The following SLC39A9 variants were observed in gnomAD, a reference collection of about 807,000 sequenced individuals.
SLC39A9 encodes the protein solute carrier family 39 member 9, also known as zinc transporter ZIP9.
Under a neutral mutation model 28.4 loss-of-function variants are expected in SLC39A9, and 14 were observed. That is an observed-to-expected ratio of 0.49 (90% confidence interval 0.33 to 0.77). The LOEUF (loss-of-function observed/expected upper bound fraction) is 0.77. SLC39A9 is among the 30% of genes least tolerant of loss of function. SLC39A9 has a pLI of 0.02. For synonymous variants in SLC39A9, 119 were observed against 149.6 expected, an observed-to-expected ratio of 0.80 and a Z score of 1.49; for missense variants, 283 against 381.1, an observed-to-expected ratio of 0.74 and a Z score of 2.14.
At position 69,399,477 on chromosome 14, in the gene SLC39A9, T is replaced by C; in HGVS notation, c.96+12T>C. On this transcript the variant is annotated intron_variant, in intron 1 of 6. Transcript: ENST00000336643. ...TTAATTTCTCAGAGGTAAGAAATTC[T>C]CAATTTTCTGTCAGCTGTCAGGATG... is the stretch of plus-strand genomic sequence containing the variant. 1 of 1,609,100 alleles carries C rather than the reference T, an allele frequency of 6.2e-7. No individual in the cohort carries two copies. The highest frequency in any genetic ancestry group is 8.5e-7 in the Non-Finnish European group (1 of 1,175,714).
chr14:69,411,466 T>TA lies in SLC39A9; in HGVS notation c.96+12005dup, dbSNP rs1883261665. Among the ~76,000 whole-genome samples the TA allele has an allele frequency of 2.0e-5, 3 of 152,304 alleles. No individual in the cohort carries two copies. The South Asian group carries it at 6.2e-4, about 32-fold the overall frequency. On this transcript the variant is annotated intron_variant, in intron 1 of 6. Transcript: ENST00000336643. ...TGTGAACTTCTAAAATGAGATAACA[T>TA]AAAACCAATGGCATTGCACAGTTCA...
chr14:69,410,701 T>G (rs758735938), intron 1 of SLC39A9, among the ~76,000 whole-genome samples: 3 of 152,210 alleles, frequency 2.0e-5, no homozygotes, highest in Non-Finnish European at 2.9e-5. Context: ...CAGGTTTGTT[T>G]GTAAGAATAT....
intron 3 of SLC39A9, among the ~76,000 whole-genome samples, chr14:69,443,714 A>C (rs1416346654): frequency 2.0e-5 from 3 of 152,098 alleles, no homozygotes. Context: ...TACAAAAAAT[A>C]CAATAATTAG....
At chr14:69,447,698 G>T (rs12185028) in intron 3 of SLC39A9, among the ~76,000 whole-genome samples, 28,592 of 151,922 alleles carry the variant, frequency 0.19, 2,831 homozygotes, top group South Asian at 0.27. Flanking sequence ...GATGGCTTGA[G>T]CCCAGAAGTT....
rs552316481 is a variant in SLC39A9 at position 69,452,894 on chromosome 14, G to A, written c.404-347G>A. Among the ~76,000 whole-genome samples the A allele has an allele frequency of 3.3e-5, 5 of 152,322 alleles. No homozygotes were observed. In the South Asian group the frequency reaches 1.0e-3, roughly 32 times the overall value. On this transcript the variant is annotated intron_variant, in intron 3 of 6. Transcript: ENST00000336643. ...CACTTTCCTTGGAATAGTAGAGGAAGAGGATTAAGGAATAGGAGGAAGTTG... is the reference window on the plus strand; with the variant it reads ...CACTTTCCTTGGAATAGTAGAGGAAAAGGATTAAGGAATAGGAGGAAGTTG...
chr14:69,454,757 C>CTGT lies in SLC39A9; in HGVS notation c.473-53_473-51dup, dbSNP rs762241185. ...AAAGCTCATACACTCAACCACTACA[C>CTGT]TGTTATTGTTGTTGTTGTTTATAGT... On this transcript the variant is annotated intron_variant, in intron 4 of 6. Coordinates refer to ENST00000336643, the MANE Select transcript of SLC39A9 (RefSeq NM_018375.5). 4.0e-5 allele frequency: 57 copies of CTGT among 1,439,142 alleles called. No homozygotes were observed. In the African/African-American group the frequency reaches 4.0e-4, roughly 10 times the overall value. 89.1% of individuals were successfully genotyped at this position (1,439,142 alleles called of 1,614,324 possible).
At chr14:69,456,295 A>C (rs1310229583) in intron 6 of SLC39A9, among the ~76,000 whole-genome samples, 4 of 152,202 alleles carry the variant, frequency 2.6e-5, no homozygotes, top group Non-Finnish European at 4.4e-5. Context: ...GAGTTTAAAA[A>C]ACTGACATTG....
At chr14:69,438,591 TA>T (rs541805187) in intron 2 of SLC39A9, among the ~76,000 whole-genome samples, 62 of 151,080 alleles carry the variant, frequency 4.1e-4, no homozygotes, top group Non-Finnish European at 7.1e-4. Context: ...AGCTTTCACG[TA>T]AAAAAAAACT....
At chr14:69,401,926 T>C (rs904400927) in intron 1 of SLC39A9, among the ~76,000 whole-genome samples, 2 of 152,230 alleles carry the variant, frequency 1.3e-5, no homozygotes, top group African/African-American at 4.8e-5. Flanking sequence ...GCCATTATTA[T>C]GGACCAATGT....
Position 69,461,850 on chromosome 14 carries a change from G to A in SLC39A9, c.*3257G>A. 2.8e-6 allele frequency: 3 copies of A among 1,084,372 alleles called. No homozygotes were observed. Among genetic ancestry groups the A allele is most frequent in the South Asian group, 3.1e-5 (2 of 63,856 alleles). The allele number at this position is 1,084,372 out of a possible 1,614,324, so 67.2% of individuals were successfully genotyped here. On this transcript the variant is annotated 3_prime_UTR_variant, in exon 7 of 7. Coordinates refer to ENST00000336643, the MANE Select transcript of SLC39A9 (RefSeq NM_018375.5). ...GCCCCTGAGCCCCTTGGGAGACTGA[G>A]AATCATGACCAGATTCATCCAGAAC...
chr14:69,459,378 A>G lies in SLC39A9; in HGVS notation c.*785A>G. ...AGAATACCTGTCTCCACATTCCTAG[A>G]GAGGAGCCAAGTTCTAGTAGTTTCA... On this transcript the variant is annotated 3_prime_UTR_variant, in exon 7 of 7. Transcript: ENST00000336643. 2 of 985,370 alleles carry G rather than the reference A, an allele frequency of 2.0e-6. No homozygotes were observed. The highest frequency in any genetic ancestry group is 2.4e-6 in the Non-Finnish European group (2 of 829,910). 61.0% of individuals were successfully genotyped at this position (985,370 alleles called of 1,614,324 possible). A position where few individuals can be genotyped will look rare whatever the true frequency, so the allele number is the denominator to read the frequency against.
At chr14:69,444,477 G>A (rs1318336019) in intron 3 of SLC39A9, among the ~76,000 whole-genome samples, 1 of 152,142 alleles carries the variant, frequency 6.6e-6, no homozygotes, top group Non-Finnish European at 1.5e-5. Flanking sequence ...TTTCTTACCT[G>A]TCAGGCAAAA....
intron 4 of SLC39A9, 124 bp downstream of exon 4, chr14:69,453,433 A>G: frequency 2.5e-6 from 2 of 790,742 alleles, no homozygotes; most frequent in East Asian, 2.7e-5. Context: ...AAGGTTTCTT[A>G]ATGAAGTCCT....
intron 3 of SLC39A9, among the ~76,000 whole-genome samples, chr14:69,452,775 A>T (rs866763364): frequency 1.3e-5 from 2 of 152,218 alleles, no homozygotes; most frequent in South Asian, 4.1e-4. Flanking sequence ...AATGTGACAG[A>T]TGTTAGAATG....
chr14:69,436,671 G>A (rs1012822749), intron 2 of SLC39A9, among the ~76,000 whole-genome samples: 1 of 152,072 alleles, frequency 6.6e-6, no homozygotes, highest in African/African-American at 2.4e-5. Context: ...CCTGGGACTT[G>A]TGCCGTTTAT....
At chr14:69,450,119 A>G (rs1201041584) in intron 3 of SLC39A9, among the ~76,000 whole-genome samples, 1 of 151,864 alleles carries the variant, frequency 6.6e-6, no homozygotes, top group African/African-American at 2.4e-5. Flanking sequence ...AACCTGGGAG[A>G]CAGAGGTTTC....
chr14:69,428,821 A>G (rs1194491413), intron 2 of SLC39A9: 1 of 152,240 alleles, frequency 6.6e-6, no homozygotes, highest in Non-Finnish European at 1.5e-5. Context: ...TGTGCAAGAC[A>G]TTTTACTTGT....
intron 1 of SLC39A9, 79 bp downstream of exon 1, chr14:69,399,544 C>A (rs1048848816): frequency 8.9e-7 from 1 of 1,125,602 alleles, no homozygotes; most frequent in South Asian, 1.3e-5. Context: ...AAGCTGCTTC[C>A]CTAGTTAAAT....
At position 69,454,796 on chromosome 14, in the gene SLC39A9, T is replaced by A. The variant is rs750821420; in HGVS notation, c.473-16T>A. The A allele has an allele frequency of 1.2e-6, 2 of 1,609,256 alleles. No homozygotes were observed. The highest frequency in any genetic ancestry group is 2.2e-5 in the South Asian group (2 of 90,954). On this transcript the variant is annotated splice_polypyrimidine_tract_variant and intron_variant, in intron 4 of 6. Transcript: ENST00000336643. ...GTTGTTTATAGTATTTTATGTTTCC[T>A]TGTTTCCAAATATAGCTGATGGTGT...
Sources: allele counts gnomAD v4.1 joint callset (sites outside exome capture counted in the v4.1 genomes callset), GRCh38; gene constraint gnomAD v4.1.1; transcripts MANE v1.5; gene names NCBI Gene and HGNC (gene_info 2026-07-23, HGNC 2026-07-21).